The following ANK2 variants were observed in gnomAD, a reference collection of about 807,000 sequenced individuals.
ANK2 encodes ankyrin 2, also known as ankyrin-2.
A neutral mutation model predicts 360.5 loss-of-function variants in ANK2; 83 were observed. The observed-to-expected ratio is 0.23, with a 90% CI of 0.19 to 0.28. The LOEUF is 0.28. ANK2 is among the 10% of genes least tolerant of loss of function. The pLI is 1.00. For missense variants in ANK2, 4,201 were observed against 4,795.7 expected, an observed-to-expected ratio of 0.88 and a Z score of 3.66; for synonymous variants, 1,740 against 1,759.5, an observed-to-expected ratio of 0.99 and a Z score of 0.28.
At chr4:113,374,613 G>A (rs886820509) in intron 45 of ANK2, 4 of 294,404 alleles carry the variant, frequency 1.4e-5, no homozygotes, top group East Asian at 1.2e-4. Context: ...GTTATAGTTC[G>A]TTTTTTTCTA....
chr4:113,092,227 C>T (rs927867074), intron 1 of ANK2, among the ~76,000 whole-genome samples: 4 of 152,164 alleles, frequency 2.6e-5, no homozygotes, highest in African/African-American at 9.7e-5. Flanking sequence ...CATCTGGCCA[C>T]AGAATTGCAA....
At chr4:112,829,679 G>A (rs1004496341) in intron 1 of ANK2, among the ~76,000 whole-genome samples, 16 of 151,514 alleles carry the variant, frequency 1.1e-4, no homozygotes, top group Non-Finnish European at 1.3e-4. Context: ...GTCAGTGCTG[G>A]GCATGGTGAC....
chr4:112,731,923 C>T, the ANK2 span, among the ~76,000 whole-genome samples: 1 of 152,164 alleles, frequency 6.6e-6, no homozygotes, highest in South Asian at 2.1e-4. Flanking sequence ...CTCAAGTAGC[C>T]GGGACAACAG....
At chr4:113,079,268 C>T (rs1180765873) in intron 1 of ANK2, among the ~76,000 whole-genome samples, 1 of 152,186 alleles carries the variant, frequency 6.6e-6, no homozygotes, top group Non-Finnish European at 1.5e-5. Flanking sequence ...CGGATACAAT[C>T]ATGGCTTGAT....
At chr4:112,804,577 A>T in the ANK2 span, among the ~76,000 whole-genome samples, 1 of 152,218 alleles carries the variant, frequency 6.6e-6, no homozygotes, top group Non-Finnish European at 1.5e-5. Context: ...ATGCCAGAAG[A>T]TATCGAGGAC....
At chr4:112,865,719 T>A (rs182752785) in intron 1 of ANK2, among the ~76,000 whole-genome samples, 1 of 152,272 alleles carries the variant, frequency 6.6e-6, no homozygotes, top group Admixed American at 6.5e-5. Flanking sequence ...ATTAGAAAAA[T>A]GTAAATATTC....
intron 1 of ANK2, among the ~76,000 whole-genome samples, chr4:112,857,559 TC>T (rs1361741886): frequency 6.6e-6 from 1 of 152,206 alleles, no homozygotes; most frequent in Non-Finnish European, 1.5e-5. Context: ...TGCCCAGAAT[TC>T]CGCATCATGG....
chr4:113,329,600 C>T (rs1415727551), intron 26 of ANK2, among the ~76,000 whole-genome samples: 1 of 152,142 alleles, frequency 6.6e-6, no homozygotes, highest in African/African-American at 2.4e-5. Context: ...GTTCCCTATC[C>T]ACCTGCTGTT....
intron 26 of ANK2, chr4:113,323,883 A>C: frequency 7.7e-7 from 1 of 1,298,920 alleles, no homozygotes. Flanking sequence ...TTGCCTCAGG[A>C]TGCTTTAGTG....
At chr4:113,126,588 G>A (rs2095673374) in intron 1 of ANK2, among the ~76,000 whole-genome samples, 1 of 152,112 alleles carries the variant, frequency 6.6e-6, no homozygotes, top group Non-Finnish European at 1.5e-5. Flanking sequence ...CTTCACTGTG[G>A]GCTCCGAGGG....
chr4:112,815,271 T>C (rs1176762608), upstream of ANK2, among the ~76,000 whole-genome samples: 1 of 152,238 alleles, frequency 6.6e-6, no homozygotes, highest in African/African-American at 2.4e-5. Context: ...GGAAACAGTA[T>C]ATCCCTAACA....
At chr4:113,000,947 T>C (rs1295356986) in intron 2 of ANK2, among the ~76,000 whole-genome samples, 2 of 152,174 alleles carry the variant, frequency 1.3e-5, no homozygotes, top group Non-Finnish European at 2.9e-5. Flanking sequence ...CCTACAAAAG[T>C]TTGAGCTCAT....
chr4:112,813,534 T>A (rs941075468), upstream of ANK2, among the ~76,000 whole-genome samples: 2 of 138,604 alleles, frequency 1.4e-5, no homozygotes, highest in Non-Finnish European at 3.1e-5. Context: ...ATATTATATT[T>A]ATTTATTTAT....
chr4:113,171,312 G>T (rs185853411), intron 1 of ANK2, among the ~76,000 whole-genome samples: 3 of 152,150 alleles, frequency 2.0e-5, no homozygotes, highest in Non-Finnish European at 4.4e-5. Flanking sequence ...TGTGTCAAGG[G>T]CCTTAATCAC....
At position 113,341,787 on chromosome 4, in the gene ANK2, A is replaced by C. The variant is rs1187830346; in HGVS notation, c.3993A>C (p.Val1331=). 1 of 1,614,046 alleles carries C rather than the reference A, an allele frequency of 6.2e-7. No homozygotes were observed. Among genetic ancestry groups the C allele is most frequent in the Admixed American group, 1.7e-5 (1 of 60,006 alleles). The change falls in exon 33 of 46, where the codon GTA becomes GTC. Residue 1331 remains valine (V), a synonymous_variant. Coordinates refer to ENST00000357077, the MANE Select transcript of ANK2 (RefSeq NM_001148.6). ...IICVPYMAKF[V]VFAKSHDPIE... ...GCGTACCTTATATGGCCAAATTTGT[A>C]GTGTTTGCCAAATCACATGACCCCA...
At chr4:113,091,378 T>C (rs1337753585) in intron 1 of ANK2, among the ~76,000 whole-genome samples, 2 of 152,228 alleles carry the variant, frequency 1.3e-5, no homozygotes, top group Admixed American at 6.5e-5. Context: ...TTTCTTTTGA[T>C]CAAATTTTGG....
chr4:113,041,520 A>C (rs554511319), intron 2 of ANK2, among the ~76,000 whole-genome samples: 2 of 152,246 alleles, frequency 1.3e-5, no homozygotes, highest in South Asian at 4.1e-4. Context: ...CTGAAACTTC[A>C]GAGGAAGTGT....
intron 2 of ANK2, among the ~76,000 whole-genome samples, chr4:112,991,869 T>G (rs1441260760): frequency 6.6e-6 from 1 of 151,868 alleles, no homozygotes; most frequent in Non-Finnish European, 1.5e-5. Flanking sequence ...TTCCACTATA[T>G]AAAAAGGATT....
intron 1 of ANK2, among the ~76,000 whole-genome samples, chr4:112,885,447 C>T (rs544051975): frequency 6.8e-6 from 1 of 146,392 alleles, no homozygotes; most frequent in Non-Finnish European, 1.5e-5. Context: ...TGCAGTGAGC[C>T]GAGATCATGC....
Sources: gnomAD v4.1 joint callset for allele counts (sites outside exome capture counted in the v4.1 genomes callset) on GRCh38, gnomAD v4.1.1 for gene constraint, MANE v1.5 for transcripts, NCBI Gene and HGNC (gene_info 2026-07-23, HGNC 2026-07-21) for gene names.